The following ATOSA variants were observed in gnomAD, a reference collection of about 807,000 sequenced individuals.
The protein encoded by ATOSA is atos homolog A.
At chr15:52,599,072 C>T in the ATOSA span, among the ~76,000 whole-genome samples, 3 of 152,294 alleles carry the variant, frequency 2.0e-5, no homozygotes, top group Admixed American at 6.5e-5. Flanking sequence ...CCAATTAAAC[C>T]TCTTTTCTTT....
the ATOSA span, among the ~76,000 whole-genome samples, chr15:52,640,294 A>G: frequency 4.0e-5 from 6 of 151,556 alleles, no homozygotes; most frequent in South Asian, 1.3e-3. Flanking sequence ...CAATTAAACT[A>G]TAGTGTGGGC....
At chr15:52,642,727 T>C in the ATOSA span, among the ~76,000 whole-genome samples, 2 of 152,178 alleles carry the variant, frequency 1.3e-5, no homozygotes, top group Admixed American at 6.5e-5. Flanking sequence ...CAATCTCCCA[T>C]ATCTGACTCC....
chr15:52,598,944 C>G, the ATOSA span, among the ~76,000 whole-genome samples: 2 of 152,268 alleles, frequency 1.3e-5, no homozygotes, highest in East Asian at 3.9e-4. Flanking sequence ...TGTTCCTGCT[C>G]TCACCATATG....
the ATOSA span, chr15:52,613,847 A>C: frequency 1.2e-6 from 2 of 1,613,470 alleles, no homozygotes; most frequent in Non-Finnish European, 8.5e-7. Context: ...CAAAATATTC[A>C]TCCAGAGTAT....
chr15:52,583,357 T>C, the ATOSA span, among the ~76,000 whole-genome samples: 1 of 152,080 alleles, frequency 6.6e-6, no homozygotes, highest in Non-Finnish European at 1.5e-5. Context: ...TCTAGTTTGG[T>C]AGGTATTCTT....
At chr15:52,611,485 T>G in the ATOSA span, 1 of 1,376,598 alleles carries the variant, frequency 7.3e-7, no homozygotes, top group Admixed American at 2.1e-5. Context: ...ATAGAGGAAT[T>G]CAAAGACATG....
At chr15:52,600,588 T>A in the ATOSA span, among the ~76,000 whole-genome samples, 1 of 152,196 alleles carries the variant, frequency 6.6e-6, no homozygotes, top group South Asian at 2.1e-4. Flanking sequence ...TTATATTTTA[T>A]AAACACACAT....
At chr15:52,607,180 A>G in the ATOSA span, among the ~76,000 whole-genome samples, 22 of 152,314 alleles carry the variant, frequency 1.4e-4, no homozygotes, top group East Asian at 3.3e-3. Context: ...GGCCTAAACT[A>G]TGAAGCCAGG....
the ATOSA span, among the ~76,000 whole-genome samples, chr15:52,662,267 G>A: frequency 2.6e-5 from 4 of 152,098 alleles, no homozygotes; most frequent in African/African-American, 4.8e-5. Context: ...TTAGTATCAT[G>A]GGGACTCCCT....
the ATOSA span, chr15:52,610,393 C>G: frequency 6.3e-7 from 1 of 1,590,632 alleles, no homozygotes; most frequent in Non-Finnish European, 8.6e-7. Flanking sequence ...TCTAGAATCA[C>G]ACAGAAAAAT....
the ATOSA span, chr15:52,613,596 T>C: frequency 1.4e-5 from 19 of 1,390,126 alleles, no homozygotes; most frequent in Non-Finnish European, 1.9e-5. Flanking sequence ...CAATTATAAC[T>C]GTAATAAAAT....
chr15:52,590,439 T>C, the ATOSA span, among the ~76,000 whole-genome samples: 1 of 152,190 alleles, frequency 6.6e-6, no homozygotes, highest in African/African-American at 2.4e-5. Flanking sequence ...TTTGAGTTAA[T>C]CTTTAAGGGA....
At chr15:52,636,101 TTAAATTAAAATAATAAATTTAATAAA>T in the ATOSA span, among the ~76,000 whole-genome samples, 2 of 130,616 alleles carry the variant, frequency 1.5e-5, no homozygotes, top group African/African-American at 5.5e-5. Context: ...AAATTAAATA[TTAAATTAAAATAATAAATTTAATAAA>T]TATATATTAA....
chr15:52,605,312 T>C, the ATOSA span: 14 of 1,228,218 alleles, frequency 1.1e-5, no homozygotes, highest in Middle Eastern at 2.0e-4. Flanking sequence ...TTGGACAGTG[T>C]TTTTGTTTTT....
chr15:52,593,661 C>G, the ATOSA span: 3 of 1,560,002 alleles, frequency 1.9e-6, no homozygotes, highest in Non-Finnish European at 2.6e-6. Flanking sequence ...GGGCAGAAAG[C>G]ACCACTTGCC....
At chr15:52,686,372 C>A in the ATOSA span, among the ~76,000 whole-genome samples, 20 of 152,288 alleles carry the variant, frequency 1.3e-4, no homozygotes, top group South Asian at 6.2e-4. Context: ...ATAAACTGAT[C>A]GGGTATTTCA....
the ATOSA span, among the ~76,000 whole-genome samples, chr15:52,696,711 A>C: frequency 2.6e-4 from 40 of 152,246 alleles, no homozygotes; most frequent in African/African-American, 9.4e-4. Context: ...ATGCATTACC[A>C]CTTTGAAATT....
chr15:52,649,038 A>T, the ATOSA span, among the ~76,000 whole-genome samples: 1 of 152,172 alleles, frequency 6.6e-6, no homozygotes, highest in Non-Finnish European at 1.5e-5. Context: ...AATACTGCAA[A>T]CAATTACATT....
the ATOSA span, among the ~76,000 whole-genome samples, chr15:52,703,344 A>C: frequency 6.6e-3 from 1,007 of 152,300 alleles, 12 homozygotes; most frequent in African/African-American, 0.023. Context: ...ATAGGATTTC[A>C]ACTATACTTC....
Sources: allele counts gnomAD v4.1 joint callset (sites outside exome capture counted in the v4.1 genomes callset), GRCh38; gene constraint gnomAD v4.1.1; transcripts MANE v1.5; gene names NCBI Gene and HGNC (gene_info 2026-07-23, HGNC 2026-07-21).